WDFY3: variants seen among roughly 807,000 people sequenced by gnomAD.
The protein encoded by WDFY3 is WD repeat and FYVE domain-containing protein 3.
Under a neutral mutation model 409.6 loss-of-function variants are expected in WDFY3, and 66 were observed. The ratio of observed to expected loss-of-function variants is 0.16; its 90% CI spans 0.13 to 0.20. WDFY3 has a LOEUF of 0.20. Among genes scored for constraint, WDFY3 ranks in the 10% least tolerant of loss-of-function variants. The pLI, the probability that WDFY3 is intolerant of heterozygous loss-of-function variation, is 1.00. For synonymous variants in WDFY3, 1,521 were observed against 1,537.1 expected, an observed-to-expected ratio of 0.99 and a Z score of 0.25; for missense variants, 3,031 against 4,298.1, an observed-to-expected ratio of 0.71 and a Z score of 8.24.
At chr4:84,834,373 G>A (rs1756243442) in intron 7 of WDFY3, among the ~76,000 whole-genome samples, 1 of 152,186 alleles carries the variant, frequency 6.6e-6, no homozygotes, top group East Asian at 1.9e-4. Flanking sequence ...CTGGCTGGGT[G>A]TGGTGGCTCA....
intron 2 of WDFY3, among the ~76,000 whole-genome samples, chr4:84,914,834 T>C (rs1158917448): frequency 6.6e-6 from 1 of 152,178 alleles, no homozygotes; most frequent in Non-Finnish European, 1.5e-5. Flanking sequence ...AATTCTGTTT[T>C]CAAAAGAGTT....
chr4:84,912,067 A>G (rs769542120), intron 2 of WDFY3, among the ~76,000 whole-genome samples: 12 of 152,194 alleles, frequency 7.9e-5, no homozygotes, highest in Non-Finnish European at 1.8e-4. Flanking sequence ...AGTAAGTTGT[A>G]TATGGCAACA....
intron 36 of WDFY3, among the ~76,000 whole-genome samples, chr4:84,747,947 C>T (rs537305108): frequency 1.3e-5 from 2 of 151,976 alleles, no homozygotes; most frequent in East Asian, 3.9e-4. Flanking sequence ...TTTATGAAGA[C>T]ATACCCAGTC....
At chr4:84,765,569 A>G (rs1743487404) in intron 32 of WDFY3, among the ~76,000 whole-genome samples, 1 of 152,188 alleles carries the variant, frequency 6.6e-6, no homozygotes, top group Admixed American at 6.5e-5. Flanking sequence ...GGCCTATACT[A>G]CAAAAAGATC....
intron 32 of WDFY3, 115 bp downstream of exon 32, chr4:84,765,689 TAATTAA>T (rs1743510790): frequency 2.7e-6 from 2 of 752,530 alleles, no homozygotes; most frequent in South Asian, 2.2e-5. Flanking sequence ...CTTCTATCAT[TAATTAA>T]AATTAATATC....
chr4:84,835,099 T>C (rs1756384432), intron 7 of WDFY3, among the ~76,000 whole-genome samples: 1 of 152,208 alleles, frequency 6.6e-6, no homozygotes, highest in Non-Finnish European at 1.5e-5. Context: ...CCTTTTGGCC[T>C]TAATATTCAA....
intron 34 of WDFY3, among the ~76,000 whole-genome samples, chr4:84,755,065 T>C (rs754940237): frequency 2.0e-5 from 3 of 152,288 alleles, no homozygotes; most frequent in East Asian, 1.9e-4. Context: ...TTAACCCAGG[T>C]AGGGCTCCAG....
Position 84,716,185 on chromosome 4 carries a change from C to T in WDFY3, c.7875+711G>A, listed in dbSNP as rs186126308. ...AGCCACGGTGGCTCACGCCTGTAAT[C>T]CCAGCACTTTGGGAGGCCGAGGCAG... On this transcript the variant is annotated intron_variant, in intron 49 of 67. Transcript: ENST00000295888. 3.7e-3 allele frequency among the ~76,000 whole-genome samples: 569 copies of T among 152,200 alleles called. 5 individuals are homozygous for T. The highest frequency in any genetic ancestry group is 0.028 in the South Asian group (135 of 4,820).
At chr4:84,684,973 T>C (rs1239156361) in intron 62 of WDFY3, among the ~76,000 whole-genome samples, 5 of 152,188 alleles carry the variant, frequency 3.3e-5, no homozygotes, top group Non-Finnish European at 5.9e-5. Flanking sequence ...TCACTAGCCC[T>C]GCTGTAAAGG....
In WDFY3 at chr4:84,789,720, A is replaced by C. The variant is rs1411126181; in HGVS notation, c.3669+6T>G. On this transcript the variant is annotated splice_donor_region_variant and intron_variant, in intron 22 of 67. Transcript: ENST00000295888. ...CAGGTAGATTTACAAGTGCACATACACTTACCTTTACAGTGTTAACAAGCT... is the reference window on the plus strand; with the variant it reads ...CAGGTAGATTTACAAGTGCACATACCCTTACCTTTACAGTGTTAACAAGCT... 6 of 1,613,810 alleles carry C rather than the reference A, an allele frequency of 3.7e-6. No homozygotes were observed. Among genetic ancestry groups the C allele is most frequent in the Non-Finnish European group, 5.1e-6 (6 of 1,179,892 alleles).
chr4:84,672,975 A>T lies in WDFY3; in HGVS notation c.10474T>A (p.Ser3492Thr). The T allele has an allele frequency of 6.2e-7, 1 of 1,609,522 alleles. No homozygotes were observed. Among genetic ancestry groups the T allele is most frequent in the African/African-American group, 1.3e-5 (1 of 74,854 alleles). Residue 3492 changes from serine to threonine, a missense_variant, in exon 68 of 68, where the codon TCT becomes ACT. Physicochemically the swap from Ser to Thr is moderately conservative, Grantham distance 58. This residue lies in a region of WDFY3 where 378 missense variants were observed against 477.3 expected (regional missense o/e 0.79). Transcript: ENST00000295888. ...LFCQKCSRFQSEIKRLKISSP... is the reference protein window; with the variant it reads ...LFCQKCSRFQTEIKRLKISSP... The stretch of plus-strand genomic sequence containing the variant: ...GAGATTTTCAAGCGTTTGATTTCAG[A>T]TTGAAAGCGACTGCACCTAAAGGAA...
intron 13 of WDFY3, among the ~76,000 whole-genome samples, chr4:84,816,709 C>T (rs1753350151): frequency 1.3e-5 from 2 of 152,012 alleles, no homozygotes; most frequent in East Asian, 1.9e-4. Context: ...AAATTTCTTA[C>T]ATATCATTTC....
At chr4:84,781,570 A>C (rs1338543221) in intron 25 of WDFY3, among the ~76,000 whole-genome samples, 1 of 151,948 alleles carries the variant, frequency 6.6e-6, no homozygotes, top group African/African-American at 2.4e-5. Context: ...TTCATATATT[A>C]CAGTGCTGGA....
intron 3 of WDFY3, among the ~76,000 whole-genome samples, chr4:84,875,328 T>C (rs1419081111): frequency 6.7e-6 from 1 of 149,406 alleles, no homozygotes; most frequent in African/African-American, 2.5e-5. Flanking sequence ...AAAAATACTG[T>C]AGAAAGATAA....
chr4:84,883,211 A>G (rs755212992), intron 3 of WDFY3, among the ~76,000 whole-genome samples: 1 of 152,188 alleles, frequency 6.6e-6, no homozygotes, highest in Non-Finnish European at 1.5e-5. Context: ...TCCTAATTAC[A>G]TCATTTCTCT....
Position 84,821,128 on chromosome 4 carries a change from T to G in WDFY3, c.1547A>C (p.Tyr516Ser). 2 of 1,613,506 alleles carry G rather than the reference T, an allele frequency of 1.2e-6. No individual in the cohort carries two copies. Among genetic ancestry groups the G allele is most frequent in the African/African-American group, 2.7e-5 (2 of 75,010 alleles). The change falls in exon 11 of 68, where the codon TAT (tyrosine) becomes TCT (serine). Residue 516 changes from tyrosine (Y) to serine (S), a missense_variant. By Grantham distance (144) the Tyr-to-Ser change is moderately radical. Transcript: ENST00000295888. ...LEVMVNLLHK[Y>S]AALLKDPTQA... The stretch of plus-strand genomic sequence containing the variant: ...AGTTGGATCCTTCAACAGGGCAGCA[T>G]ATTTATGCAAAAGGTTTACCATGAC...
At chr4:84,921,283 A>C (rs1480483883) in intron 2 of WDFY3, among the ~76,000 whole-genome samples, 1 of 152,150 alleles carries the variant, frequency 6.6e-6, no homozygotes, top group African/African-American at 2.4e-5. Flanking sequence ...TGGAAGAAGG[A>C]AAGGTAATTA....
At chr4:84,689,188 TAC>T (rs1013390508) in intron 61 of WDFY3, among the ~76,000 whole-genome samples, 7 of 152,196 alleles carry the variant, frequency 4.6e-5, no homozygotes, top group African/African-American at 1.4e-4. Flanking sequence ...AGGTATTTTT[TAC>T]AGATTGAAGG....
At chr4:84,677,450 T>C in intron 66 of WDFY3, 54 bp from the exon 67 acceptor site, 1 of 1,476,092 alleles carries the variant, frequency 6.8e-7, no homozygotes. Flanking sequence ...TGTGATCTCC[T>C]TCTTGAGGCT....
Sources: gnomAD v4.1 joint callset for allele counts (sites outside exome capture counted in the v4.1 genomes callset) on GRCh38, gnomAD v4.1.1 for gene constraint, gnomAD v4.1.1 regional missense constraint, MANE v1.5 for transcripts, NCBI Gene and HGNC (gene_info 2026-07-23, HGNC 2026-07-21) for gene names.